The following JMJD1C variants were observed in gnomAD, a reference collection of about 807,000 sequenced individuals.
JMJD1C encodes the protein jumonji domain containing 1C, also known as jumonji domain-containing protein 1C.
Under a neutral mutation model 245.3 loss-of-function variants are expected in JMJD1C, and 31 were observed. The observed-to-expected ratio is 0.13, with a 90% CI of 0.09 to 0.17. JMJD1C has a LOEUF of 0.17. JMJD1C is among the 10% of genes least tolerant of loss of function. The pLI, the probability that JMJD1C is intolerant of heterozygous loss-of-function variation, is 1.00. For missense variants in JMJD1C, 2,691 were observed against 3,000.2 expected (o/e 0.90, Z 2.41); for synonymous variants, 1,057 against 1,017.4 (o/e 1.04, Z -0.74).
chr10:63,259,975 C>T (rs1462547291), intron 3 of JMJD1C, among the ~76,000 whole-genome samples: 1 of 150,180 alleles, frequency 6.7e-6, no homozygotes, highest in African/African-American at 2.5e-5. Context: ...GATCTCGGCT[C>T]ACTGCAACCT....
intron 1 of JMJD1C, among the ~76,000 whole-genome samples, chr10:63,402,946 C>T (rs7897228): frequency 2.8e-4 from 43 of 152,300 alleles, no homozygotes; most frequent in African/African-American, 9.9e-4. Flanking sequence ...CCACTTGTCC[C>T]TTACTCTACG....
Position 63,214,053 on chromosome 10 carries a change from A to G in JMJD1C, c.2114T>C (p.Ile705Thr), listed in dbSNP as rs774913781. Residue 705 changes from isoleucine to threonine, a missense_variant, in exon 8 of 26, where the codon ATT becomes ACT. By Grantham distance (89) the Ile-to-Thr change is moderately conservative. Coordinates refer to ENST00000399262, the MANE Select transcript of JMJD1C (RefSeq NM_032776.3). ...TLETTKSPLI[I>T]DKNEHFTVYR... ...AACTGTAAAATGCTCATTTTTATCA[A>G]TGATAAGAGGACTCTTTGTAGTTTC... 11 of 1,614,052 alleles carry G rather than the reference A, an allele frequency of 6.8e-6. No individual in the cohort carries two copies. The African/African-American group carries it at 1.5e-4, about 22-fold the overall frequency.
At chr10:63,502,563 G>C (rs1249016624) in intron 1 of JMJD1C, among the ~76,000 whole-genome samples, 3 of 150,120 alleles carry the variant, frequency 2.0e-5, no homozygotes, top group African/African-American at 7.4e-5. Context: ...GTGTGAACCC[G>C]CGAGGCGGAG....
At chr10:63,249,834 T>C (rs1382198022) in intron 3 of JMJD1C, among the ~76,000 whole-genome samples, 1 of 151,074 alleles carries the variant, frequency 6.6e-6, no homozygotes, top group Non-Finnish European at 1.5e-5. Flanking sequence ...CATTCTAGCC[T>C]GGGCTACAGA....
In JMJD1C at chr10:63,437,178, AAATG is replaced by A. The variant is rs549098543; in HGVS notation, c.168+28313_168+28316del. ...TAGCTGGAGATGAGTGACTGTAGGG[AAATG>A]AATGATGAATTCATCAAAGATTAAC... is the stretch of plus-strand genomic sequence containing the variant. On this transcript the variant is annotated intron_variant, in intron 1 of 25. Coordinates refer to ENST00000399262, the MANE Select transcript of JMJD1C (RefSeq NM_032776.3). Among the ~76,000 whole-genome samples, 489 of 152,320 alleles carry A rather than the reference AAATG, an allele frequency of 3.2e-3. 2 individuals carry two copies. The highest frequency in any genetic ancestry group is 0.011 in the African/African-American group (474 of 41,560).
intron 3 of JMJD1C, among the ~76,000 whole-genome samples, chr10:63,229,993 T>C (rs1416106781): frequency 2.0e-5 from 3 of 152,224 alleles, no homozygotes; most frequent in African/African-American, 4.8e-5. Flanking sequence ...CTAAGTGGAA[T>C]TGGTAACTTG....
At chr10:63,452,747 G>C (rs1217673023) in intron 1 of JMJD1C, among the ~76,000 whole-genome samples, 2 of 152,108 alleles carry the variant, frequency 1.3e-5, no homozygotes, top group Non-Finnish European at 2.9e-5. Flanking sequence ...TAAAAAAGAA[G>C]TGAAGTTATG....
chr10:63,173,519 C>T (rs751405799), intron 24 of JMJD1C, among the ~76,000 whole-genome samples: 7 of 152,072 alleles, frequency 4.6e-5, no homozygotes, highest in Non-Finnish European at 7.4e-5. Context: ...CTTAGGAGTT[C>T]GAGACCAGCC....
Position 63,219,954 on chromosome 10 carries a change from G to A in JMJD1C, c.477C>T (p.Leu159=), listed in dbSNP as rs777623084. 3.5e-5 allele frequency: 57 copies of A among 1,613,504 alleles called. No individual in the cohort carries two copies. Among genetic ancestry groups the A allele is most frequent in the Non-Finnish European group, 4.7e-5 (55 of 1,179,632 alleles). ...CCTCATGAAGCTGCGGGTTGTCCCT[G>A]AGAACTGGGTTTAGGCTGTCTATGT... is the stretch of plus-strand genomic sequence containing the variant. ...QDDIDSLNPV[L]RDNPQLHEEV... is the part of the protein sequence containing the mutation. The change falls in exon 4 of 26, where the codon CTC becomes CTT. Residue 159 remains leucine, a synonymous_variant. Coordinates refer to ENST00000399262, the MANE Select transcript of JMJD1C (RefSeq NM_032776.3).
intron 1 of JMJD1C, among the ~76,000 whole-genome samples, chr10:63,507,744 T>C (rs1477439375): frequency 6.6e-6 from 1 of 151,814 alleles, no homozygotes; most frequent in Non-Finnish European, 1.5e-5. Flanking sequence ...TTTTGTGTCA[T>C]CGGTGTTCTG....
intron 1 of JMJD1C, among the ~76,000 whole-genome samples, chr10:63,503,360 C>T (rs1346855820): frequency 6.6e-6 from 1 of 152,062 alleles, no homozygotes; most frequent in Non-Finnish European, 1.5e-5. Context: ...AACTGGGAGA[C>T]AAATTATTAA....
chr10:63,360,402 T>G (rs2134354448), intron 2 of JMJD1C, among the ~76,000 whole-genome samples: 1 of 152,332 alleles, frequency 6.6e-6, no homozygotes, highest in South Asian at 2.1e-4. Context: ...TGTTTAAACA[T>G]GTATTAAGCA....
intron 2 of JMJD1C, among the ~76,000 whole-genome samples, chr10:63,305,512 C>CCTCTCTCTCT (rs71025151): frequency 3.8e-5 from 5 of 130,638 alleles, no homozygotes; most frequent in East Asian, 4.6e-4. Context: ...AAGGTCTGAC[C>CCTCTCTCTCT]CTCTCTCTCT....
At chr10:63,437,747 C>G (rs575466371) in intron 1 of JMJD1C, among the ~76,000 whole-genome samples, 1 of 152,320 alleles carries the variant, frequency 6.6e-6, no homozygotes, top group South Asian at 2.1e-4. Context: ...TACACTGAAA[C>G]TGCTGATCAA....
chr10:63,418,985 G>A (rs7913558), intron 1 of JMJD1C, among the ~76,000 whole-genome samples: 1 of 151,298 alleles, frequency 6.6e-6, no homozygotes, highest in African/African-American at 2.4e-5. Context: ...GCTGAGGCAG[G>A]AGAATCGCCT....
In JMJD1C at chr10:63,217,327, AGGACCTT is replaced by A; in HGVS notation, c.554-3_557del. ...TCACTCTGTATCCATTTAAGGAATA[AGGACCTT>A]AAAAAAAACACAAGAAACAGAAACA... On this transcript the variant is annotated splice_acceptor_variant and splice_polypyrimidine_tract_variant and coding_sequence_variant and intron_variant, in exon 5 of 26. Transcript: ENST00000399262. LOFTEE classifies it high-confidence loss of function. 6.4e-7 allele frequency: 1 copy of A among 1,571,012 alleles called. No individual in the cohort carries two copies. Among genetic ancestry groups the A allele is most frequent in the Admixed American group, 2.0e-5 (1 of 49,358 alleles).
intron 8 of JMJD1C, among the ~76,000 whole-genome samples, chr10:63,211,674 C>T (rs1564615677): frequency 6.6e-6 from 1 of 151,390 alleles, no homozygotes; most frequent in Non-Finnish European, 1.5e-5. Context: ...TCTAAATCAC[C>T]ACCCCCAACT....
At chr10:63,211,611 T>C (rs1285880374) in intron 8 of JMJD1C, among the ~76,000 whole-genome samples, 2 of 151,998 alleles carry the variant, frequency 1.3e-5, no homozygotes, top group African/African-American at 4.8e-5. Flanking sequence ...TCACTAATGT[T>C]ATATGTAAAA....
chr10:63,428,455 G>A (rs892885615), intron 1 of JMJD1C, among the ~76,000 whole-genome samples: 2 of 152,172 alleles, frequency 1.3e-5, no homozygotes, highest in African/African-American at 4.8e-5. Flanking sequence ...GTGTTCAACA[G>A]GTCAAAGAAA....
Sources: gnomAD v4.1 joint callset for allele counts (sites outside exome capture counted in the v4.1 genomes callset) on GRCh38, gnomAD v4.1.1 for gene constraint, MANE v1.5 for transcripts, NCBI Gene and HGNC (gene_info 2026-07-23, HGNC 2026-07-21) for gene names.